PLXNA4: variants seen among roughly 807,000 people sequenced by gnomAD.
The protein encoded by PLXNA4 is plexin-A4.
In PLXNA4, 44 loss-of-function variants were observed where a neutral mutation model predicts 191.8. That is an observed-to-expected ratio of 0.23 (90% CI 0.18 to 0.29). PLXNA4 has a LOEUF of 0.29. PLXNA4 is among the 10% of genes least tolerant of loss of function. PLXNA4 has a pLI of 1.00. For missense variants in PLXNA4, 1,800 were observed against 2,488.8 expected, an observed-to-expected ratio of 0.72 and a Z score of 5.89; for synonymous variants, 1,082 against 1,009.5, an observed-to-expected ratio of 1.07 and a Z score of -1.36.
chr7:132,431,472 T>A (rs564646042), intron 3 of PLXNA4, among the ~76,000 whole-genome samples: 71 of 152,228 alleles, frequency 4.7e-4, no homozygotes, highest in African/African-American at 1.6e-3. Flanking sequence ...GGCAAGTCAA[T>A]GTGCTCAACA....
chr7:132,600,766 A>G (rs1341158127), intron 2 of PLXNA4, among the ~76,000 whole-genome samples: 1 of 151,962 alleles, frequency 6.6e-6, no homozygotes, highest in Non-Finnish European at 1.5e-5. Context: ...CACTCTTATT[A>G]TTTTACTTCC....
intron 21 of PLXNA4, among the ~76,000 whole-genome samples, chr7:132,170,323 G>A (rs1305800783): frequency 6.6e-6 from 1 of 152,150 alleles, no homozygotes; most frequent in African/African-American, 2.4e-5. Context: ...GCTTCACAAA[G>A]CCCCAAGACA....
At chr7:132,374,657 G>A (rs564149769) in intron 3 of PLXNA4, among the ~76,000 whole-genome samples, 39 of 152,244 alleles carry the variant, frequency 2.6e-4, no homozygotes, top group Admixed American at 2.0e-3. Context: ...TTGAACCCTC[G>A]AATGCTAACA....
chr7:132,502,548 G>A (rs1798299076), intron 2 of PLXNA4, among the ~76,000 whole-genome samples: 1 of 152,080 alleles, frequency 6.6e-6, no homozygotes, highest in Non-Finnish European at 1.5e-5. Context: ...CAGCACTGTA[G>A]GGCCCCGGAT....
intron 1 of PLXNA4, among the ~76,000 whole-genome samples, chr7:132,527,147 G>A (rs147278577): frequency 3.3e-4 from 50 of 152,260 alleles, no homozygotes; most frequent in African/African-American, 1.0e-3. Flanking sequence ...GATGCATTCC[G>A]TTCTCTGGAC....
intron 3 of PLXNA4, among the ~76,000 whole-genome samples, chr7:132,485,301 TAACCTAGCAAAAACATCCA>T (rs943280923): frequency 1.3e-5 from 2 of 152,174 alleles, no homozygotes; most frequent in African/African-American, 4.8e-5. Flanking sequence ...GTGAACAGTT[TAACCTAGCAAAAACATCCA>T]GGGAAGACGC....
At chr7:132,574,032 G>A (rs116997949) in intron 1 of PLXNA4, among the ~76,000 whole-genome samples, 4,274 of 152,276 alleles carry the variant, frequency 0.028, 83 homozygotes, top group Non-Finnish European at 0.044. Flanking sequence ...TGTATACTCC[G>A]CTTTACAGAG....
intron 2 of PLXNA4, among the ~76,000 whole-genome samples, chr7:132,624,317 G>T (rs1209136520): frequency 3.3e-5 from 5 of 152,176 alleles, no homozygotes; most frequent in African/African-American, 9.7e-5. Context: ...ATAGCAATAT[G>T]CAAAGCACAT....
chr7:132,305,380 A>ACACG, intron 3 of PLXNA4, among the ~76,000 whole-genome samples: 1 of 147,620 alleles, frequency 6.8e-6, no homozygotes, highest in South Asian at 2.1e-4. Context: ...ACACACACAC[A>ACACG]CACACACACA....
chr7:132,325,612 C>A (rs1802327301), intron 3 of PLXNA4, among the ~76,000 whole-genome samples: 1 of 152,128 alleles, frequency 6.6e-6, no homozygotes, highest in Admixed American at 6.5e-5. Flanking sequence ...ATGAAGCTGC[C>A]AGGCAAGGAT....
At chr7:132,264,587 C>A (rs879366535) in intron 4 of PLXNA4, among the ~76,000 whole-genome samples, 6 of 152,166 alleles carry the variant, frequency 3.9e-5, no homozygotes, top group Middle Eastern at 3.2e-3. Context: ...ATAACACCAC[C>A]TAAACCACAG....
intron 8 of PLXNA4, among the ~76,000 whole-genome samples, chr7:132,224,696 C>T (rs79332037): frequency 0.01 from 1,547 of 152,230 alleles, 26 homozygotes; most frequent in African/African-American, 0.035. Flanking sequence ...ATTAGGCCAC[C>T]GAGTGGTAAA....
chr7:132,357,284 A>T (rs1244632749), intron 3 of PLXNA4, among the ~76,000 whole-genome samples: 1 of 152,144 alleles, frequency 6.6e-6, no homozygotes, highest in Non-Finnish European at 1.5e-5. Flanking sequence ...AGAGCGTGGA[A>T]CACTGAGTGC....
intron 2 of PLXNA4, among the ~76,000 whole-genome samples, chr7:132,635,679 G>A (rs143337726): frequency 6.6e-6 from 1 of 152,086 alleles, no homozygotes; most frequent in South Asian, 2.1e-4. Context: ...CCTCTGTCAG[G>A]CTGGCCTCAA....
intron 6 of PLXNA4, 82 bp downstream of exon 6, chr7:132,228,264 G>T: frequency 1.9e-6 from 3 of 1,569,684 alleles, no homozygotes; most frequent in Admixed American, 1.7e-5. Context: ...CCTCCAGAGG[G>T]GCCTTGGGCT....
chr7:132,566,350 G>A (rs1801724008), intron 1 of PLXNA4, among the ~76,000 whole-genome samples: 1 of 152,048 alleles, frequency 6.6e-6, no homozygotes, highest in South Asian at 2.1e-4. Context: ...ATGAATGCCA[G>A]GCAGTGAAAA....
At chr7:132,280,835 C>T (rs894397537) in intron 4 of PLXNA4, among the ~76,000 whole-genome samples, 1 of 152,168 alleles carries the variant, frequency 6.6e-6, no homozygotes, top group Non-Finnish European at 1.5e-5. Flanking sequence ...AGTTTACATA[C>T]TCCAATAGCC....
At chr7:132,322,184 C>CT (rs5887566) in intron 3 of PLXNA4, among the ~76,000 whole-genome samples, 1,785 of 122,474 alleles carry the variant, frequency 0.015, 57 homozygotes, top group Middle Eastern at 0.026. Flanking sequence ...CCTAAAAGGG[C>CT]TTTTTTTTTT....
chr7:132,401,871 C>T (rs1175796698), intron 3 of PLXNA4, among the ~76,000 whole-genome samples: 2 of 152,280 alleles, frequency 1.3e-5, no homozygotes, highest in East Asian at 3.9e-4. Flanking sequence ...AGCAAAAAGC[C>T]AATTCCCCAG....
Sources: allele counts gnomAD v4.1 joint callset (sites outside exome capture counted in the v4.1 genomes callset), GRCh38; gene constraint gnomAD v4.1.1; transcripts MANE v1.5; gene names NCBI Gene and HGNC (gene_info 2026-07-23, HGNC 2026-07-21).